Variants in KDM4C observed in about 807,000 individuals in gnomAD.
KDM4C encodes lysine demethylase 4C, also known as lysine-specific demethylase 4C.
A neutral mutation model predicts 129.3 loss-of-function variants in KDM4C; 81 were observed. The ratio of observed to expected loss-of-function variants is 0.63; its 90% CI spans 0.52 to 0.75. KDM4C has a LOEUF of 0.75. Among genes scored for constraint, KDM4C ranks in the 30% least tolerant of loss-of-function variants. The probability of loss-of-function intolerance (pLI) is 0.00; values close to 1 mark genes in which losing one functional copy is unlikely to be tolerated. For missense variants in KDM4C, 1,457 were observed against 1,304.0 expected (o/e 1.12, Z -1.81); for synonymous variants, 573 against 456.1 (o/e 1.26, Z -3.26).
At chr9:6,824,188 T>C (rs996565599) in intron 4 of KDM4C, among the ~76,000 whole-genome samples, 2 of 152,220 alleles carry the variant, frequency 1.3e-5, no homozygotes, top group African/African-American at 4.8e-5. Flanking sequence ...TGAAGGTTAC[T>C]TGTATTTGTT....
intron 8 of KDM4C, among the ~76,000 whole-genome samples, chr9:6,949,102 G>C (rs375837998): frequency 6.6e-6 from 1 of 151,214 alleles, no homozygotes; most frequent in African/African-American, 2.4e-5. Flanking sequence ...GCGGCTGGCC[G>C]GGTGGAGACG....
intron 18 of KDM4C, among the ~76,000 whole-genome samples, chr9:7,121,201 G>A (rs1839447443): frequency 6.6e-6 from 1 of 152,122 alleles, no homozygotes; most frequent in Non-Finnish European, 1.5e-5. Flanking sequence ...GGCTAGGCTT[G>A]GCTGAGGGGT....
chr9:6,741,225 A>G (rs1817681651), intron 1 of KDM4C, among the ~76,000 whole-genome samples: 1 of 151,688 alleles, frequency 6.6e-6, no homozygotes, highest in Admixed American at 6.6e-5. Flanking sequence ...GTGAAAACCC[A>G]TCTCTACTAA....
At chr9:7,016,992 G>A (rs1440895651) in intron 15 of KDM4C, among the ~76,000 whole-genome samples, 1 of 152,098 alleles carries the variant, frequency 6.6e-6, no homozygotes, top group African/African-American at 2.4e-5. Flanking sequence ...CTGGAGTGCA[G>A]TGGTGCAATC....
At chr9:6,997,076 T>A (rs1455928094) in intron 12 of KDM4C, among the ~76,000 whole-genome samples, 1 of 152,206 alleles carries the variant, frequency 6.6e-6, no homozygotes, top group African/African-American at 2.4e-5. Flanking sequence ...GATGCCTCGG[T>A]GCCTGCGTTT....
intron 2 of KDM4C, among the ~76,000 whole-genome samples, chr9:6,794,589 G>T (rs1827366920): frequency 6.6e-6 from 1 of 152,180 alleles, no homozygotes; most frequent in African/African-American, 2.4e-5. Context: ...TGGGGGCAGA[G>T]CACAAATAAA....
chr9:6,937,619 A>C (rs1825058276), intron 8 of KDM4C, among the ~76,000 whole-genome samples: 1 of 152,124 alleles, frequency 6.6e-6, no homozygotes, highest in South Asian at 2.1e-4. Context: ...GGGAGTCTTC[A>C]CCACAACACT....
At chr9:6,853,242 CT>C (rs931549854) in intron 5 of KDM4C, among the ~76,000 whole-genome samples, 2 of 152,122 alleles carry the variant, frequency 1.3e-5, no homozygotes, top group Non-Finnish European at 2.9e-5. Context: ...AATCCCAGCA[CT>C]TTGGGAGGCC....
At chr9:7,151,412 C>G (rs187212051) in intron 19 of KDM4C, among the ~76,000 whole-genome samples, 10 of 152,088 alleles carry the variant, frequency 6.6e-5, no homozygotes, top group Admixed American at 4.6e-4. Context: ...ACAAACAAGG[C>G]CAGGCGTGCT....
chr9:6,814,288 A>G (rs1274610887), intron 3 of KDM4C, among the ~76,000 whole-genome samples: 3 of 152,152 alleles, frequency 2.0e-5, no homozygotes, highest in Non-Finnish European at 4.4e-5. Flanking sequence ...TGTCATTTTT[A>G]TATAAATATG....
At chr9:6,923,101 T>G (rs1420692676) in intron 8 of KDM4C, among the ~76,000 whole-genome samples, 1 of 152,350 alleles carries the variant, frequency 6.6e-6, no homozygotes. Context: ...GTAAAGCCTG[T>G]TTGATTTAAT....
intron 4 of KDM4C, among the ~76,000 whole-genome samples, chr9:6,826,757 T>C (rs6477112): frequency 0.55 from 83,076 of 151,474 alleles, 23,157 homozygotes; most frequent in African/African-American, 0.64. Context: ...GTGCCAGCTA[T>C]TGGGGAAGCT....
intron 13 of KDM4C, among the ~76,000 whole-genome samples, chr9:7,012,748 G>T (rs75617007): frequency 2.0e-5 from 3 of 152,112 alleles, no homozygotes; most frequent in Non-Finnish European, 2.9e-5. Flanking sequence ...TAGGAATCTC[G>T]TAAGGGTGGA....
At chr9:7,056,844 A>C (rs1281340931) in intron 17 of KDM4C, among the ~76,000 whole-genome samples, 1 of 152,162 alleles carries the variant, frequency 6.6e-6, no homozygotes, top group Non-Finnish European at 1.5e-5. Context: ...CAGATCTTTT[A>C]ATTGAGTGAG....
intron 15 of KDM4C, among the ~76,000 whole-genome samples, chr9:7,026,031 T>C (rs1002550061): frequency 1.3e-5 from 2 of 151,914 alleles, no homozygotes; most frequent in African/African-American, 4.8e-5. Context: ...GTGGCAAAGC[T>C]CCATCTGTAC....
At chr9:7,024,061 T>G (rs1412645009) in intron 15 of KDM4C, among the ~76,000 whole-genome samples, 1 of 152,238 alleles carries the variant, frequency 6.6e-6, no homozygotes, top group Non-Finnish European at 1.5e-5. Flanking sequence ...ATGACCTATC[T>G]TTGAGAATGA....
At position 7,108,385 on chromosome 9, in the gene KDM4C, C is replaced by T. The variant is rs111282192; in HGVS notation, c.2610+4515C>T. 9.6e-3 allele frequency among the ~76,000 whole-genome samples: 1,467 copies of T among 152,128 alleles called. 28 individuals are homozygous for T. The highest frequency in any genetic ancestry group is 0.033 in the African/African-American group (1,362 of 41,478). The stretch of plus-strand genomic sequence containing the variant: ...CCAAGTAGCTGGGACTACAGGTGTG[C>T]GCCCCCATGTCCTGCTAATTTTTGT... On this transcript the variant is annotated intron_variant, in intron 18 of 21. Coordinates refer to ENST00000381309, the MANE Select transcript of KDM4C (RefSeq NM_015061.6).
At chr9:7,042,205 G>C (rs1664609187) in intron 15 of KDM4C, among the ~76,000 whole-genome samples, 1 of 152,008 alleles carries the variant, frequency 6.6e-6, no homozygotes, top group African/African-American at 2.4e-5. Flanking sequence ...CACAGAGGTT[G>C]AGTAACTGAT....
chr9:7,164,346 G>A (rs1042814598), intron 19 of KDM4C, among the ~76,000 whole-genome samples: 11 of 109,436 alleles, frequency 1.0e-4, no homozygotes, highest in African/African-American at 2.2e-4. Context: ...CCCCTGCCAC[G>A]CCTTAAAAAA....
Sources: gnomAD v4.1 joint callset for allele counts (sites outside exome capture counted in the v4.1 genomes callset) on GRCh38, gnomAD v4.1.1 for gene constraint, MANE v1.5 for transcripts, NCBI Gene and HGNC (gene_info 2026-07-23, HGNC 2026-07-21) for gene names.